The following JADE3 variants were observed in gnomAD, a reference collection of about 807,000 sequenced individuals.
JADE3 encodes jade family PHD finger 3.
A neutral mutation model predicts 50.1 loss-of-function variants in JADE3; 2 were observed. That is an observed-to-expected ratio of 0.04 (90% confidence interval 0.02 to 0.13). JADE3 has a LOEUF of 0.13. Among genes scored for constraint, JADE3 ranks in the 10% least tolerant of loss-of-function variants. The pLI, the probability that JADE3 is intolerant of heterozygous loss-of-function variation, is 1.00. For missense variants in JADE3, 475 were observed against 634.4 expected, an observed-to-expected ratio of 0.75 and a Z score of 2.70; for synonymous variants, 218 against 232.9, an observed-to-expected ratio of 0.94 and a Z score of 0.58.
At chrX:46,949,191 G>A (rs187270552) in intron 1 of JADE3, among the ~76,000 whole-genome samples, 1 of 110,686 alleles carries the variant, frequency 9.0e-6, no homozygotes, top group Non-Finnish European at 1.9e-5. Flanking sequence ...TGCCTGCCTT[G>A]GCCTCCCAAA....
chrX:46,973,724 T>C (rs1927547961), intron 1 of JADE3, among the ~76,000 whole-genome samples: 1 of 112,333 alleles, frequency 8.9e-6, no homozygotes, highest in Non-Finnish European at 1.9e-5. Context: ...GTTAGGATTG[T>C]TTGCCCCAAA....
intron 1 of JADE3, among the ~76,000 whole-genome samples, chrX:46,947,830 G>T (rs782060594): frequency 9.0e-6 from 1 of 111,637 alleles, no homozygotes; most frequent in African/African-American, 3.2e-5. Flanking sequence ...CCTCCATGCC[G>T]TCTCTGGACA....
chrX:46,975,931 G>C (rs1230617683), intron 1 of JADE3, among the ~76,000 whole-genome samples: 10 of 108,643 alleles, frequency 9.2e-5, no homozygotes, highest in Non-Finnish European at 1.9e-4. Context: ...TGTTGGCCAG[G>C]CTGGTCTCGA....
At chrX:46,917,452 G>T (rs1164972391) in intron 1 of JADE3, among the ~76,000 whole-genome samples, 1 of 111,024 alleles carries the variant, frequency 9.0e-6, no homozygotes, top group Non-Finnish European at 1.9e-5. Flanking sequence ...GTGAAGCAAA[G>T]GTAACTTGCC....
intron 4 of JADE3, among the ~76,000 whole-genome samples, chrX:47,021,631 TTTAA>T (rs1253023229): frequency 8.9e-6 from 1 of 112,304 alleles, no homozygotes; most frequent in Non-Finnish European, 1.9e-5. Context: ...TCTTTTTAAG[TTTAA>T]TTATTCTGGT....
At chrX:46,934,257 T>A (rs1294913534) in intron 1 of JADE3, among the ~76,000 whole-genome samples, 1 of 110,310 alleles carries the variant, frequency 9.1e-6, no homozygotes, top group Non-Finnish European at 1.9e-5. Flanking sequence ...TGCCTCAGCC[T>A]CCCGAGTAGG....
intron 4 of JADE3, among the ~76,000 whole-genome samples, chrX:47,013,166 A>C (rs1928597901): frequency 9.0e-6 from 1 of 111,333 alleles, no homozygotes; most frequent in Non-Finnish European, 1.9e-5. Context: ...GGCACATGCC[A>C]CTGTACCCAG....
intron 4 of JADE3, among the ~76,000 whole-genome samples, chrX:47,007,147 T>C (rs1928446675): frequency 9.0e-6 from 1 of 111,599 alleles, no homozygotes; most frequent in Non-Finnish European, 1.9e-5. Flanking sequence ...ACACACTCTA[T>C]ATAATTCCAG....
chrX:46,989,751 T>C (rs1046778011), intron 3 of JADE3, among the ~76,000 whole-genome samples: 2 of 112,146 alleles, frequency 1.8e-5, no homozygotes, highest in South Asian at 7.3e-4. Flanking sequence ...TCCACTAAGT[T>C]TGGGAAATTT....
intron 1 of JADE3, among the ~76,000 whole-genome samples, chrX:46,983,431 C>T (rs1927798765): frequency 9.0e-6 from 1 of 111,148 alleles, no homozygotes; most frequent in African/African-American, 3.3e-5. Flanking sequence ...TGGCACAACA[C>T]CCAAGGCATA....
chrX:46,994,362 C>T (rs782054145), intron 3 of JADE3, among the ~76,000 whole-genome samples: 14 of 111,946 alleles, frequency 1.3e-4, no homozygotes, highest in African/African-American at 4.5e-4. Context: ...CAGTGAATCC[C>T]CTCTTTGACC....
chrX:46,937,588 A>G (rs1445018828), intron 1 of JADE3, among the ~76,000 whole-genome samples: 3 of 112,389 alleles, frequency 2.7e-5, no homozygotes, highest in Non-Finnish European at 5.6e-5. Context: ...ATGTTTACAC[A>G]TTTAGGATTG....
chrX:46,923,080 A>G (rs1483434418), intron 1 of JADE3, among the ~76,000 whole-genome samples: 1 of 110,653 alleles, frequency 9.0e-6, no homozygotes, highest in Non-Finnish European at 1.9e-5. Flanking sequence ...TGGCATGATC[A>G]TGGCTCACTG....
intron 1 of JADE3, among the ~76,000 whole-genome samples, chrX:46,972,370 A>G (rs782618745): frequency 2.7e-5 from 3 of 110,385 alleles, no homozygotes; most frequent in Admixed American, 9.7e-5. Context: ...TAATTTTTGT[A>G]TTTTAAGTAG....
intron 10 of JADE3, among the ~76,000 whole-genome samples, chrX:47,057,806 C>T (rs1556373657): frequency 8.9e-6 from 1 of 111,841 alleles, no homozygotes; most frequent in African/African-American, 3.3e-5. Flanking sequence ...CACATGCATG[C>T]ACAGACACAC....
At chrX:47,012,631 T>TTTG (rs1215088649) in intron 4 of JADE3, among the ~76,000 whole-genome samples, 6 of 110,260 alleles carry the variant, frequency 5.4e-5, no homozygotes, top group Non-Finnish European at 9.5e-5. Context: ...TGTTTTTTTT[T>TTTG]TTGTTGTTGT....
intron 1 of JADE3, among the ~76,000 whole-genome samples, chrX:46,972,788 G>A (rs1290762818): frequency 9.0e-6 from 1 of 111,273 alleles, no homozygotes; most frequent in Admixed American, 9.5e-5. Flanking sequence ...TTAGTAGAGA[G>A]GGGATTTCAC....
chrX:46,999,243 A>G (rs1159180352), intron 4 of JADE3, among the ~76,000 whole-genome samples: 1 of 109,067 alleles, frequency 9.2e-6, no homozygotes, highest in African/African-American at 3.3e-5. Context: ...AACTGCTGCT[A>G]TAACAGCATT....
At chrX:46,957,525 A>G (rs1187181238) in intron 1 of JADE3, among the ~76,000 whole-genome samples, 1 of 112,302 alleles carries the variant, frequency 8.9e-6, no homozygotes, top group Non-Finnish European at 1.9e-5. Flanking sequence ...TGTCAGTAAA[A>G]GTAATGAATG....
Sources: allele counts gnomAD v4.1 joint callset (sites outside exome capture counted in the v4.1 genomes callset), GRCh38; gene constraint gnomAD v4.1.1; transcripts MANE v1.5; gene names NCBI Gene and HGNC (gene_info 2026-07-23, HGNC 2026-07-21).